The following RIN2 variants were observed in gnomAD, a reference collection of about 807,000 sequenced individuals.
The protein encoded by RIN2 is RAB5 interacting protein 2.
Under a neutral mutation model 78.0 loss-of-function variants are expected in RIN2, and 36 were observed. That is an observed-to-expected ratio of 0.46 (90% CI 0.35 to 0.61). RIN2 has a LOEUF of 0.61. Ranked by LOEUF, RIN2 falls within the 20% of genes least tolerant of loss-of-function variation. RIN2 has a pLI of 0.00. For missense variants in RIN2, 1,087 were observed against 1,159.7 expected (o/e 0.94, Z 0.91); for synonymous variants, 466 against 466.8 (o/e 1.00, Z 0.02).
At chr20:19,909,854 C>G (rs186185366) in intron 3 of RIN2, among the ~76,000 whole-genome samples, 1 of 152,296 alleles carries the variant, frequency 6.6e-6, no homozygotes, top group African/African-American at 2.4e-5. Flanking sequence ...CAGCAGGCAG[C>G]CTGGGTGTGG....
intron 2 of RIN2, among the ~76,000 whole-genome samples, chr20:19,841,919 A>G (rs892318400): frequency 2.0e-5 from 3 of 152,216 alleles, no homozygotes; most frequent in Admixed American, 2.0e-4. Context: ...AACTCACTAC[A>G]CTAAACAACA....
intron 1 of RIN2, among the ~76,000 whole-genome samples, chr20:19,798,627 T>G (rs923969882): frequency 1.3e-5 from 2 of 151,986 alleles, no homozygotes; most frequent in African/African-American, 4.8e-5. Flanking sequence ...TATACGTGTG[T>G]GTGTGCACGT....
intron 4 of RIN2, among the ~76,000 whole-genome samples, chr20:19,949,003 T>G (rs6046473): frequency 0.14 from 21,193 of 151,648 alleles, 1,605 homozygotes; most frequent in South Asian, 0.21. Flanking sequence ...ATCTAGGCTG[T>G]ACACCGTGGC....
At chr20:19,761,887 G>C (rs902545628) in intron 1 of RIN2, among the ~76,000 whole-genome samples, 1 of 152,190 alleles carries the variant, frequency 6.6e-6, no homozygotes, top group Non-Finnish European at 1.5e-5. Flanking sequence ...TTCCAACTCT[G>C]AGAATCCCCT....
At chr20:19,767,684 G>A (rs1387046364) in intron 1 of RIN2, among the ~76,000 whole-genome samples, 1 of 142,118 alleles carries the variant, frequency 7.0e-6, no homozygotes, top group Non-Finnish European at 1.5e-5. Flanking sequence ...AGGACTTTGT[G>A]GGGGCTAAGG....
At chr20:19,938,866 A>G (rs2146141337) in intron 4 of RIN2, among the ~76,000 whole-genome samples, 1 of 152,300 alleles carries the variant, frequency 6.6e-6, no homozygotes, top group South Asian at 2.1e-4. Context: ...CTTTGAGTCC[A>G]GAGGTTGGTA....
At chr20:19,824,789 A>T (rs1217326817) in intron 2 of RIN2, among the ~76,000 whole-genome samples, 1 of 152,216 alleles carries the variant, frequency 6.6e-6, no homozygotes, top group African/African-American at 2.4e-5. Flanking sequence ...GACATTAGTT[A>T]CAGAAACTCG....
intron 2 of RIN2, among the ~76,000 whole-genome samples, chr20:19,818,727 G>C (rs1423582686): frequency 1.7e-5 from 2 of 118,030 alleles, no homozygotes; most frequent in East Asian, 2.3e-4. Flanking sequence ...GCGAGACTCC[G>C]TATCAAAAAA....
At chr20:19,779,512 A>G (rs1041252402) in intron 1 of RIN2, among the ~76,000 whole-genome samples, 2 of 152,132 alleles carry the variant, frequency 1.3e-5, no homozygotes, top group African/African-American at 4.8e-5. Flanking sequence ...TAGGATCCCA[A>G]GATGAGAGAA....
chr20:19,975,018 G>A lies in RIN2; in HGVS notation c.993G>A (p.Gln331=), dbSNP rs1215005487. 6.6e-7 allele frequency: 1 copy of A among 1,520,858 alleles called. No individual in the cohort carries two copies. Among genetic ancestry groups the A allele is most frequent in the Admixed American group, 1.8e-5 (1 of 56,612 alleles). The allele number at this position is 1,520,858 out of a possible 1,614,324, so 94.2% of individuals were successfully genotyped here. ...TSPRLARTET[Q]TSMPETVNHN... Reference sequence around the variant, plus strand: ...CTCGGCTGGCCAGGACTGAAACCCAGACGAGCATGCCAGAAACAGTCAACC... The same window carrying A: ...CTCGGCTGGCCAGGACTGAAACCCAAACGAGCATGCCAGAAACAGTCAACC... The change falls in exon 9 of 13, where the codon CAG becomes CAA. Residue 331 remains glutamine, a synonymous_variant. Transcript: ENST00000255006. The surrounding 1 kb of genome is among the most constrained non-coding windows in gnomAD (Gnocchi z 4.9).
At chr20:19,964,119 C>G (rs1600968668) in intron 6 of RIN2, among the ~76,000 whole-genome samples, 1 of 152,100 alleles carries the variant, frequency 6.6e-6, no homozygotes, top group East Asian at 1.9e-4. Context: ...CCACCTTGGC[C>G]TCACAAAGTG....
In RIN2 at chr20:19,957,714, T is replaced by A. The variant is rs186718872; in HGVS notation, c.351+907T>A. 1.6e-4 allele frequency among the ~76,000 whole-genome samples: 25 copies of A among 152,284 alleles called. No individual in the cohort carries two copies. In the East Asian group the frequency reaches 4.6e-3, roughly 28 times the overall value. ...AAAGTGATTGGTATCTCTAGTGCTA[T>A]CCAATATGGTAGCTTCTTGCCCCAT... On this transcript the variant is annotated intron_variant, in intron 5 of 12. Transcript: ENST00000255006.
chr20:19,873,127 A>T (rs6136865), intron 2 of RIN2, among the ~76,000 whole-genome samples: 99,942 of 151,004 alleles, frequency 0.66, 33,855 homozygotes, highest in East Asian at 0.86. Context: ...TTTTATTTTT[A>T]TTTTATTTTA....
intron 2 of RIN2, among the ~76,000 whole-genome samples, chr20:19,852,194 G>T (rs6136858): frequency 1.3e-5 from 2 of 152,190 alleles, no homozygotes; most frequent in South Asian, 2.1e-4. Context: ...CTGCCTCTAC[G>T]TGGGGAACTG....
chr20:19,966,570 C>T (rs1848710), intron 7 of RIN2, among the ~76,000 whole-genome samples: 25,345 of 151,982 alleles, frequency 0.17, 3,073 homozygotes, highest in East Asian at 0.54. Context: ...GCAATCCGCC[C>T]GCCTCCGCCT....
At chr20:19,896,970 TACC>T (rs1296080823) in intron 3 of RIN2, among the ~76,000 whole-genome samples, 10 of 152,260 alleles carry the variant, frequency 6.6e-5, no homozygotes, top group Non-Finnish European at 1.3e-4. Context: ...TTCTTTTTTG[TACC>T]ACTTTTTTTA....
chr20:19,858,123 T>G (rs995737340), intron 2 of RIN2, among the ~76,000 whole-genome samples: 10 of 110,046 alleles, frequency 9.1e-5, no homozygotes, highest in Non-Finnish European at 1.6e-4. Flanking sequence ...TCTGTCTTTT[T>G]TTAAAAAAAA....
chr20:19,852,400 T>C (rs1477466176), intron 2 of RIN2, among the ~76,000 whole-genome samples: 3 of 152,180 alleles, frequency 2.0e-5, no homozygotes, highest in Non-Finnish European at 4.4e-5. Flanking sequence ...TCTTAGTATA[T>C]TGCAGACTAG....
At position 19,864,558 on chromosome 20, in the gene RIN2, A is replaced by G. The variant is rs189720018; in HGVS notation, c.-36-25008A>G. 3.3e-5 allele frequency among the ~76,000 whole-genome samples: 5 copies of G among 152,248 alleles called. No individual in the cohort carries two copies. In the East Asian group the frequency reaches 7.7e-4, roughly 24 times the overall value. ...GGACCAAATTATTTGGTTCCAATAC[A>G]CTTCTCCTTTGTCAAAATATGATCA... On this transcript the variant is annotated intron_variant, in intron 2 of 12. Transcript: ENST00000255006.
Sources: allele counts gnomAD v4.1 joint callset (sites outside exome capture counted in the v4.1 genomes callset), GRCh38; gene constraint gnomAD v4.1.1; non-coding constraint Gnocchi (gnomAD v3.1); transcripts MANE v1.5; gene names NCBI Gene and HGNC (gene_info 2026-07-23, HGNC 2026-07-21).